Variants in DCX observed in about 807,000 individuals in gnomAD.
DCX encodes neuronal migration protein doublecortin.
Under a neutral mutation model 20.9 loss-of-function variants are expected in DCX, and 4 were observed. The observed-to-expected ratio is 0.19, with a 90% CI of 0.09 to 0.44. DCX has a LOEUF of 0.44. DCX is among the 20% of genes least tolerant of loss of function. The pLI is 0.99. For missense variants in DCX, 133 were observed against 296.9 expected, an observed-to-expected ratio of 0.45 and a Z score of 4.06; for synonymous variants, 103 against 111.4, an observed-to-expected ratio of 0.92 and a Z score of 0.47.
intron 3 of DCX, among the ~76,000 whole-genome samples, chrX:111,354,226 T>C (rs1923551814): frequency 1.8e-5 from 2 of 111,830 alleles, no homozygotes; most frequent in Non-Finnish European, 3.8e-5. Context: ...AGAATAAATC[T>C]CTAATAGCGG....
rs1254979457 is a variant in DCX, at chrX:111,294,818, C to T, written c.*6869G>A. On this transcript the variant is annotated 3_prime_UTR_variant, in exon 7 of 7. Coordinates refer to ENST00000636035, the MANE Select transcript of DCX (RefSeq NM_001195553.2). Reference sequence around the variant, plus strand: ...CTCTCCAAAGCTAGTCACTAGCAAGCTAACACCTCTAACACTACAACCACC... The same window carrying T: ...CTCTCCAAAGCTAGTCACTAGCAAGTTAACACCTCTAACACTACAACCACC... 2.7e-5 allele frequency: 3 copies of T among 112,239 alleles called. No individual in the cohort carries two copies. The highest frequency in any genetic ancestry group is 9.7e-5 in the African/African-American group (3 of 30,786). The allele number at this position is 112,239 out of a possible 1,213,427, so 9.2% of individuals were successfully genotyped here. A position where few individuals can be genotyped will look rare whatever the true frequency, so the allele number is the denominator to read the frequency against.
intron 3 of DCX, among the ~76,000 whole-genome samples, chrX:111,347,186 G>A (rs1374254490): frequency 7.2e-5 from 8 of 111,887 alleles, no homozygotes; most frequent in Admixed American, 9.5e-5. Flanking sequence ...TCATAATTAA[G>A]GATATTGCAA....
intron 3 of DCX, among the ~76,000 whole-genome samples, chrX:111,378,653 G>T (rs1925727772): frequency 9.0e-6 from 1 of 110,951 alleles, no homozygotes; most frequent in East Asian, 2.8e-4. Context: ...GCCATTAGTA[G>T]CTTGCCCCAC....
chrX:111,348,230 C>A (rs917743701), intron 3 of DCX, among the ~76,000 whole-genome samples: 1 of 111,451 alleles, frequency 9.0e-6, no homozygotes, highest in Admixed American at 9.5e-5. Context: ...ACAGGGGAGA[C>A]CCAGGTAAGG....
chrX:111,357,132 T>C (rs1268274494), intron 3 of DCX, among the ~76,000 whole-genome samples: 1 of 112,025 alleles, frequency 8.9e-6, no homozygotes, highest in Non-Finnish European at 1.9e-5. Flanking sequence ...TCTAGGATTT[T>C]AGTTGAGCCC....
chrX:111,407,048 C>T (rs187068245), intron 2 of DCX, among the ~76,000 whole-genome samples: 1 of 112,044 alleles, frequency 8.9e-6, no homozygotes, highest in Non-Finnish European at 1.9e-5. Flanking sequence ...AGCTAACCAG[C>T]TATAAACTAG....
intron 3 of DCX, among the ~76,000 whole-genome samples, chrX:111,345,436 T>C (rs1357621292): frequency 8.9e-6 from 1 of 111,777 alleles, no homozygotes; most frequent in Non-Finnish European, 1.9e-5. Flanking sequence ...CAAAAGAAAC[T>C]ATCATCAGAG....
chrX:111,356,640 A>C (rs765208905), intron 3 of DCX, among the ~76,000 whole-genome samples: 2 of 112,356 alleles, frequency 1.8e-5, no homozygotes, highest in Non-Finnish European at 3.8e-5. Flanking sequence ...GAAAAATGCC[A>C]TAAAATATGA....
At chrX:111,405,345 C>T (rs982014007) in intron 2 of DCX, among the ~76,000 whole-genome samples, 4 of 111,998 alleles carry the variant, frequency 3.6e-5, no homozygotes, top group Non-Finnish European at 5.6e-5. Flanking sequence ...ATGCATCCCT[C>T]CCAGGTATCT....
chrX:111,357,742 G>T (rs896575574), intron 3 of DCX, among the ~76,000 whole-genome samples: 2 of 109,647 alleles, frequency 1.8e-5, no homozygotes, highest in African/African-American at 6.7e-5. Context: ...TGATCGCACC[G>T]CTGTACTCCA....
At chrX:111,325,899 T>C (rs2095098585) in intron 5 of DCX, among the ~76,000 whole-genome samples, 1 of 111,987 alleles carries the variant, frequency 8.9e-6, no homozygotes, top group Admixed American at 9.5e-5. Flanking sequence ...CACATTCTAT[T>C]TCTATTGAGC....
chrX:111,386,936 C>T (rs777549675), intron 3 of DCX, among the ~76,000 whole-genome samples: 5 of 111,440 alleles, frequency 4.5e-5, no homozygotes, highest in Non-Finnish European at 7.5e-5. Flanking sequence ...CTATTGACAG[C>T]GTTTTATTAC....
chrX:111,383,364 T>C (rs930120874), intron 3 of DCX, among the ~76,000 whole-genome samples: 1 of 112,024 alleles, frequency 8.9e-6, no homozygotes, highest in Non-Finnish European at 1.9e-5. Context: ...TCCAATAATC[T>C]ATATCCTAGC....
chrX:111,312,954 A>G (rs1467393054), intron 5 of DCX, among the ~76,000 whole-genome samples: 11 of 111,872 alleles, frequency 9.8e-5, no homozygotes, highest in African/African-American at 3.6e-4. Context: ...CAAGGCCGTC[A>G]TCCTCCCACC....
chrX:111,365,744 C>A (rs1003172367), intron 3 of DCX, among the ~76,000 whole-genome samples: 1 of 111,484 alleles, frequency 9.0e-6, no homozygotes. Flanking sequence ...GCCACCTGGA[C>A]AAATCCACTA....
At chrX:111,322,354 C>T in intron 5 of DCX, among the ~76,000 whole-genome samples, 2 of 111,756 alleles carry the variant, frequency 1.8e-5, no homozygotes, top group Non-Finnish European at 3.8e-5. Context: ...GTTAGCACAC[C>T]ACATACCTCC....
intron 5 of DCX, among the ~76,000 whole-genome samples, chrX:111,318,242 G>T (rs1569486748): frequency 9.6e-6 from 1 of 103,990 alleles, no homozygotes; most frequent in Admixed American, 1.1e-4. Flanking sequence ...GTAAAGAAAA[G>T]GGAATGCTTA....
In DCX at chrX:111,294,921, A is replaced by G. The variant is rs1407008841; in HGVS notation, c.*6766T>C. Reference sequence around the variant, plus strand: ...GAAAGGGTGGGCTGTTTCCATTTTAAACTTTCTCCCTTTGAAAATGGCCAT... The same window carrying G: ...GAAAGGGTGGGCTGTTTCCATTTTAGACTTTCTCCCTTTGAAAATGGCCAT... On this transcript the variant is annotated 3_prime_UTR_variant, in exon 7 of 7. Transcript: ENST00000636035. 8.9e-6 allele frequency: 1 copy of G among 112,332 alleles called. No homozygotes were observed. The highest frequency in any genetic ancestry group is 3.2e-5 in the African/African-American group (1 of 30,829). 9.3% of individuals were successfully genotyped at this position (112,332 alleles called of 1,213,427 possible). A position where few individuals can be genotyped will look rare whatever the true frequency, so the allele number is the denominator to read the frequency against.
intron 3 of DCX, among the ~76,000 whole-genome samples, chrX:111,376,979 CA>C (rs1365127535): frequency 8.9e-6 from 1 of 112,054 alleles, no homozygotes; most frequent in African/African-American, 3.2e-5. Flanking sequence ...CTTAATCTGA[CA>C]ACGCTAATCT....
Sources: gnomAD v4.1 joint callset for allele counts (sites outside exome capture counted in the v4.1 genomes callset) on GRCh38, gnomAD v4.1.1 for gene constraint, MANE v1.5 for transcripts, NCBI Gene and HGNC (gene_info 2026-07-23, HGNC 2026-07-21) for gene names.